The following DNAH6 variants were observed in gnomAD, a reference collection of about 807,000 sequenced individuals.
DNAH6 encodes axonemal beta dynein heavy chain 6.
DNAH6 carries 340 observed loss-of-function variants against 491.4 expected under a neutral mutation model. The observed-to-expected ratio is 0.69, with a 90% CI of 0.63 to 0.76. The LOEUF (loss-of-function observed/expected upper bound fraction) is 0.76. Ranked by LOEUF, DNAH6 falls within the 30% of genes least tolerant of loss-of-function variation. DNAH6 has a pLI of 0.00. For missense variants in DNAH6, 4,443 were observed against 4,972.2 expected (o/e 0.89, Z 3.20); for synonymous variants, 1,603 against 1,686.1 (o/e 0.95, Z 1.21).
Position 84,763,522 on chromosome 2 carries a change from A to G in DNAH6, c.10703+577A>G, listed in dbSNP as rs189967101. On this transcript the variant is annotated intron_variant, in intron 64 of 76. Coordinates refer to ENST00000389394, the MANE Select transcript of DNAH6 (RefSeq NM_001370.2). ...CATCCAGGTAGGTAAAAAAGTATGCAAGACCACACAATGGCAGAGGAGAAT... is the reference window on the plus strand; with the variant it reads ...CATCCAGGTAGGTAAAAAAGTATGCGAGACCACACAATGGCAGAGGAGAAT... 2.0e-5 allele frequency among the ~76,000 whole-genome samples: 3 copies of G among 152,210 alleles called. No homozygotes were observed. The East Asian group carries it at 5.8e-4, about 29-fold the overall frequency.
At chr2:84,736,980 C>G (rs550009274) in intron 62 of DNAH6, among the ~76,000 whole-genome samples, 9 of 151,958 alleles carry the variant, frequency 5.9e-5, no homozygotes, top group East Asian at 1.9e-4. Context: ...ATTGATGGCT[C>G]TCATTATTTT....
chr2:84,695,687 C>T (rs1263937718), intron 46 of DNAH6, among the ~76,000 whole-genome samples: 1 of 151,910 alleles, frequency 6.6e-6, no homozygotes, highest in Non-Finnish European at 1.5e-5. Flanking sequence ...GACATGTATG[C>T]CCTGTGTACA....
chr2:84,668,171 A>G (rs532558304), intron 37 of DNAH6, among the ~76,000 whole-genome samples: 3 of 152,350 alleles, frequency 2.0e-5, no homozygotes, highest in South Asian at 2.1e-4. Context: ...GGGCACCAAC[A>G]TGGCACATGT....
At chr2:84,806,723 T>C (rs182056157) in intron 71 of DNAH6, among the ~76,000 whole-genome samples, 1 of 151,634 alleles carries the variant, frequency 6.6e-6, no homozygotes, top group Non-Finnish European at 1.5e-5. Context: ...TCATTATTCA[T>C]GGTTGGAAGA....
chr2:84,472,475 A>G, the DNAH6 span, among the ~76,000 whole-genome samples: 1 of 152,116 alleles, frequency 6.6e-6, no homozygotes, highest in African/African-American at 2.4e-5. Flanking sequence ...GTGAATAGGT[A>G]TCTACTGAAA....
intron 56 of DNAH6, 117 bp downstream of exon 56, chr2:84,710,529 T>C: frequency 9.7e-7 from 1 of 1,030,056 alleles, no homozygotes; most frequent in Non-Finnish European, 1.4e-6. Flanking sequence ...ATTTTCAAAT[T>C]GGTCAAACCA....
At chr2:84,634,988 G>A (rs900512683) in intron 30 of DNAH6, among the ~76,000 whole-genome samples, 1 of 152,192 alleles carries the variant, frequency 6.6e-6, no homozygotes, top group Non-Finnish European at 1.5e-5. Context: ...GGCAGCACTG[G>A]TGTTCAGCCT....
chr2:84,563,390 A>T (rs558464553), intron 11 of DNAH6, among the ~76,000 whole-genome samples: 15 of 152,114 alleles, frequency 9.9e-5, no homozygotes, highest in Non-Finnish European at 1.9e-4. Context: ...CTCCCTAGGT[A>T]TGGAGAAATA....
chr2:84,664,244 A>G (rs1691836612), intron 37 of DNAH6, among the ~76,000 whole-genome samples: 1 of 152,188 alleles, frequency 6.6e-6, no homozygotes, highest in African/African-American at 2.4e-5. Context: ...ATTCACACAT[A>G]ACAATATTAA....
intron 16 of DNAH6, 114 bp downstream of exon 16, chr2:84,589,068 T>G: frequency 1.0e-6 from 1 of 967,186 alleles, no homozygotes; most frequent in Non-Finnish European, 1.4e-6. Flanking sequence ...AACTATGTGC[T>G]AGTCAGCATG....
At chr2:84,618,598 C>T (rs911354570) in intron 23 of DNAH6, among the ~76,000 whole-genome samples, 1 of 148,890 alleles carries the variant, frequency 6.7e-6, no homozygotes, top group Non-Finnish European at 1.5e-5. Flanking sequence ...GTAAAAAGGA[C>T]CCGTGATTGG....
chr2:84,558,008 C>G lies in DNAH6; in HGVS notation c.1803+73C>G. The G allele has an allele frequency of 2.0e-6, 2 of 1,002,740 alleles. 1 individual carries two copies. The highest frequency in any genetic ancestry group is 2.8e-6 in the Non-Finnish European group (2 of 722,516). The allele number at this position is 1,002,740 out of a possible 1,614,324, so 62.1% of individuals were successfully genotyped here. ...TGAAATTAAGTAATATATATTTTTT[C>G]TTTCTTATCTTTAAATGTTCTACAT... On this transcript the variant is annotated intron_variant, in intron 11 of 76. Transcript: ENST00000389394.
chr2:84,774,751 T>A (rs1428118116), intron 64 of DNAH6, among the ~76,000 whole-genome samples: 1 of 152,114 alleles, frequency 6.6e-6, no homozygotes, highest in Non-Finnish European at 1.5e-5. Flanking sequence ...GTTCTCCTTG[T>A]AGAGATCTTT....
At chr2:84,632,440 G>C (rs1294343238) in intron 29 of DNAH6, among the ~76,000 whole-genome samples, 3 of 152,180 alleles carry the variant, frequency 2.0e-5, no homozygotes, top group Non-Finnish European at 4.4e-5. Context: ...CGGAAATGAA[G>C]AACCACCATG....
At chr2:84,707,426 G>T in intron 53 of DNAH6, 94 bp from the exon 54 acceptor site, 1 of 1,128,162 alleles carries the variant, frequency 8.9e-7, no homozygotes, top group South Asian at 1.8e-5. Context: ...GCTAAATAAT[G>T]CTATTCTGCT....
chr2:84,497,594 GA>G, the DNAH6 span, among the ~76,000 whole-genome samples: 5 of 152,160 alleles, frequency 3.3e-5, no homozygotes, highest in African/African-American at 1.2e-4. Flanking sequence ...TACCAACCCA[GA>G]ATTTTAAGCC....
At chr2:84,554,372 G>A (rs1679816646) in intron 10 of DNAH6, among the ~76,000 whole-genome samples, 1 of 152,270 alleles carries the variant, frequency 6.6e-6, no homozygotes, top group South Asian at 2.1e-4. Flanking sequence ...AACAGCATAT[G>A]TACACAGGGG....
At chr2:84,594,557 A>T (rs181584671) in intron 17 of DNAH6, among the ~76,000 whole-genome samples, 7 of 152,330 alleles carry the variant, frequency 4.6e-5, no homozygotes, top group African/African-American at 1.7e-4. Flanking sequence ...TAGAGAGCCA[A>T]ATATCAACAG....
chr2:84,712,427 G>T (rs1697131366), intron 56 of DNAH6, among the ~76,000 whole-genome samples: 1 of 152,116 alleles, frequency 6.6e-6, no homozygotes, highest in South Asian at 2.1e-4. Context: ...GGATCCCTGG[G>T]CAATGTCTCC....
Sources: gnomAD v4.1 joint callset for allele counts (sites outside exome capture counted in the v4.1 genomes callset) on GRCh38, gnomAD v4.1.1 for gene constraint, MANE v1.5 for transcripts, NCBI Gene and HGNC (gene_info 2026-07-23, HGNC 2026-07-21) for gene names.